The following GRID1 variants were observed in gnomAD, a reference collection of about 807,000 sequenced individuals.
GRID1 encodes glutamate ionotropic receptor delta type subunit 1, also known as glutamate receptor ionotropic, delta-1.
Under a neutral mutation model 98.0 loss-of-function variants are expected in GRID1, and 28 were observed. That is an observed-to-expected ratio of 0.29 (90% CI 0.21 to 0.39). The LOEUF (loss-of-function observed/expected upper bound fraction) is 0.39, where lower values mean the gene tolerates loss of function less well. GRID1 is among the 10% of genes least tolerant of loss of function. GRID1 has a pLI of 1.00. For synonymous variants in GRID1, 553 were observed against 538.5 expected, an observed-to-expected ratio of 1.03 and a Z score of -0.37; for missense variants, 1,111 against 1,340.5, an observed-to-expected ratio of 0.83 and a Z score of 2.67.
chr10:85,927,887 A>T (rs762732873), intron 4 of GRID1, among the ~76,000 whole-genome samples: 1 of 152,228 alleles, frequency 6.6e-6, no homozygotes, highest in African/African-American at 2.4e-5. Flanking sequence ...GCTGAAAAGT[A>T]GTTACAATAG....
chr10:85,662,922 C>G (rs11201723), intron 12 of GRID1, among the ~76,000 whole-genome samples: 2,940 of 152,196 alleles, frequency 0.019, 45 homozygotes, highest in East Asian at 0.057. Flanking sequence ...GCAGCCGCTC[C>G]GATACTTTAT....
chr10:85,635,059 C>T (rs1325621969), intron 13 of GRID1, among the ~76,000 whole-genome samples: 2 of 143,236 alleles, frequency 1.4e-5, no homozygotes, highest in East Asian at 2.0e-4. Flanking sequence ...AAGTCAACAT[C>T]CTCCCACTTC....
chr10:86,173,165 G>A (rs186805804), intron 3 of GRID1, among the ~76,000 whole-genome samples: 2 of 152,306 alleles, frequency 1.3e-5, no homozygotes, highest in East Asian at 3.9e-4. Flanking sequence ...AGCCTACCAA[G>A]TAGCTGGGAC....
At chr10:86,063,283 T>A (rs1843673540) in intron 4 of GRID1, among the ~76,000 whole-genome samples, 1 of 152,108 alleles carries the variant, frequency 6.6e-6, no homozygotes, top group Non-Finnish European at 1.5e-5. Flanking sequence ...AAAGTAATAG[T>A]GGAAAACCCA....
At chr10:85,617,987 G>A (rs1050904843) in intron 14 of GRID1, among the ~76,000 whole-genome samples, 3 of 152,174 alleles carry the variant, frequency 2.0e-5, no homozygotes, top group African/African-American at 7.2e-5. Context: ...CAAGGCTTAC[G>A]ATATTGGAGG....
chr10:85,891,984 A>T (rs1428260084), intron 5 of GRID1, among the ~76,000 whole-genome samples: 1 of 152,000 alleles, frequency 6.6e-6, no homozygotes, highest in Non-Finnish European at 1.5e-5. Context: ...AATAGATATT[A>T]TAAATATTAT....
chr10:86,141,288 G>T (rs1438276703), intron 3 of GRID1, among the ~76,000 whole-genome samples: 1 of 152,222 alleles, frequency 6.6e-6, no homozygotes, highest in Non-Finnish European at 1.5e-5. Context: ...CCATCAGTCT[G>T]TTCAGGGCCA....
At chr10:86,174,598 T>C (rs1319329767) in intron 3 of GRID1, among the ~76,000 whole-genome samples, 1 of 152,122 alleles carries the variant, frequency 6.6e-6, no homozygotes, top group Non-Finnish European at 1.5e-5. Flanking sequence ...ACTTCATGTC[T>C]AAACACCAAA....
chr10:85,810,503 C>T (rs1419981433), intron 8 of GRID1, among the ~76,000 whole-genome samples: 1 of 152,174 alleles, frequency 6.6e-6, no homozygotes, highest in Admixed American at 6.5e-5. Context: ...GCAGACCTGA[C>T]TCTAGCAGAG....
chr10:85,725,660 T>C (rs10159528), intron 10 of GRID1, among the ~76,000 whole-genome samples: 100,596 of 152,016 alleles, frequency 0.66, 34,362 homozygotes, highest in African/African-American at 0.84. Flanking sequence ...TCAGCAGAAC[T>C]AGTTTCTTTT....
At chr10:85,782,119 C>T (rs1842387060) in intron 8 of GRID1, among the ~76,000 whole-genome samples, 1 of 152,144 alleles carries the variant, frequency 6.6e-6, no homozygotes, top group Non-Finnish European at 1.5e-5. Context: ...GTTTACAAAG[C>T]CAGCCAGGTC....
chr10:86,297,898 A>G (rs2132079462), intron 2 of GRID1, among the ~76,000 whole-genome samples: 1 of 152,352 alleles, frequency 6.6e-6, no homozygotes, highest in Non-Finnish European at 1.5e-5. Flanking sequence ...GCAGAAAATG[A>G]AAAACAAAGG....
intron 2 of GRID1, among the ~76,000 whole-genome samples, chr10:86,274,942 C>T (rs1192329561): frequency 6.6e-6 from 1 of 152,102 alleles, no homozygotes; most frequent in African/African-American, 2.4e-5. Flanking sequence ...GAACTTCCAA[C>T]ACTATGTTGA....
intron 8 of GRID1, among the ~76,000 whole-genome samples, chr10:85,771,730 A>G (rs577702735): frequency 6.6e-6 from 1 of 152,370 alleles, no homozygotes; most frequent in South Asian, 2.1e-4. Context: ...AAAGGCGGCC[A>G]TTACATAATG....
chr10:86,165,012 T>A (rs569232692), intron 3 of GRID1, among the ~76,000 whole-genome samples: 1 of 152,032 alleles, frequency 6.6e-6, no homozygotes, highest in Non-Finnish European at 1.5e-5. Flanking sequence ...GGTAGGAAAT[T>A]TGGGGAGTCC....
At chr10:85,799,537 C>T (rs537866094) in intron 8 of GRID1, among the ~76,000 whole-genome samples, 2 of 151,996 alleles carry the variant, frequency 1.3e-5, no homozygotes, top group East Asian at 1.9e-4. Context: ...TATTACTTAG[C>T]GATAAAAAAG....
At chr10:85,815,143 G>C (rs1842704484) in intron 8 of GRID1, among the ~76,000 whole-genome samples, 1 of 151,934 alleles carries the variant, frequency 6.6e-6, no homozygotes, top group South Asian at 2.1e-4. Context: ...CTGAAAACCT[G>C]AGAGAAAAAA....
intron 15 of GRID1, among the ~76,000 whole-genome samples, chr10:85,603,106 T>C (rs1842605460): frequency 6.6e-6 from 1 of 152,186 alleles, no homozygotes; most frequent in Non-Finnish European, 1.5e-5. Flanking sequence ...ATTTGCCACT[T>C]AGAGTTCAAG....
At chr10:85,886,585 A>T (rs536983990) in intron 5 of GRID1, among the ~76,000 whole-genome samples, 1 of 152,146 alleles carries the variant, frequency 6.6e-6, no homozygotes, top group Non-Finnish European at 1.5e-5. Flanking sequence ...TTGTTATATT[A>T]CTCTCTGTAT....
Sources: allele counts gnomAD v4.1 joint callset (sites outside exome capture counted in the v4.1 genomes callset), GRCh38; gene constraint gnomAD v4.1.1; transcripts MANE v1.5; gene names NCBI Gene and HGNC (gene_info 2026-07-23, HGNC 2026-07-21).